Variants in KRABD2 observed in about 807,000 individuals in gnomAD.
KRABD2 encodes KRAB domain containing 2.
At chr17:8,361,482 G>A in the KRABD2 span, among the ~76,000 whole-genome samples, 3 of 152,330 alleles carry the variant, frequency 2.0e-5, no homozygotes, top group African/African-American at 7.2e-5. Flanking sequence ...CATGTGCCTA[G>A]ACCTGATGCC....
chr17:8,367,924 G>A, the KRABD2 span, among the ~76,000 whole-genome samples: 6 of 90,980 alleles, frequency 6.6e-5, no homozygotes, highest in Admixed American at 8.2e-4. Flanking sequence ...ACCCAAGAAT[G>A]ATCAATTAAA....
chr17:8,371,353 T>C, the KRABD2 span: 1 of 1,614,192 alleles, frequency 6.2e-7, no homozygotes, highest in East Asian at 2.2e-5. Flanking sequence ...TGTGTCTCTG[T>C]AGCAATCCTT....
the KRABD2 span, among the ~76,000 whole-genome samples, chr17:8,362,758 G>A: frequency 1.6e-4 from 25 of 152,204 alleles, no homozygotes; most frequent in Non-Finnish European, 3.2e-4. This position sits in a 1 kb window ranked among gnomAD's most constrained non-coding sequence, Gnocchi z 4.2. Flanking sequence ...GCTCAGCCAG[G>A]GCCGAGGGCC....
chr17:8,373,317 C>T, the KRABD2 span, among the ~76,000 whole-genome samples: 3 of 152,364 alleles, frequency 2.0e-5, no homozygotes, highest in South Asian at 4.1e-4. Context: ...TGGGATTGCC[C>T]ACAGGCGCCG....
the KRABD2 span, among the ~76,000 whole-genome samples, chr17:8,360,141 G>T: frequency 6.6e-6 from 1 of 152,100 alleles, no homozygotes; most frequent in East Asian, 1.9e-4. Flanking sequence ...TCTGAGCAAG[G>T]AGCTAGTCAA....
At chr17:8,363,811 CATACATAT>C in the KRABD2 span, among the ~76,000 whole-genome samples, 1 of 104,928 alleles carries the variant, frequency 9.5e-6, no homozygotes, top group African/African-American at 4.7e-5. Flanking sequence ...ATATATATAT[CATACATAT>C]ATATATCATA....
At chr17:8,372,022 G>A in the KRABD2 span, 1 of 985,446 alleles carries the variant, frequency 1.0e-6, no homozygotes, top group African/African-American at 1.7e-5. The surrounding 1 kb of genome is among the most constrained non-coding windows in gnomAD (Gnocchi z 4.1). Context: ...AGCAAGCTTA[G>A]GAAAACAGGA....
the KRABD2 span, chr17:8,371,536 C>T: frequency 6.3e-7 from 1 of 1,599,542 alleles, no homozygotes; most frequent in Admixed American, 1.7e-5. Flanking sequence ...TGAAGGCATG[C>T]AGCATAAAGG....
At chr17:8,370,143 C>A in the KRABD2 span, 1 of 1,613,942 alleles carries the variant, frequency 6.2e-7, no homozygotes. Flanking sequence ...TGCTGCACGG[C>A]GATAATCACG....
the KRABD2 span, chr17:8,369,978 A>T: frequency 1.2e-5 from 20 of 1,614,106 alleles, no homozygotes; most frequent in Non-Finnish European, 1.1e-5. Flanking sequence ...CTCCTTGAGC[A>T]TGCGTGTCCG....
At chr17:8,363,276 C>A in the KRABD2 span, among the ~76,000 whole-genome samples, 1 of 152,278 alleles carries the variant, frequency 6.6e-6, no homozygotes, top group Admixed American at 6.5e-5. Context: ...GTGAGTCTTA[C>A]ACAGAAAAGT....
At chr17:8,367,732 C>G in the KRABD2 span, among the ~76,000 whole-genome samples, 35,886 of 150,714 alleles carry the variant, frequency 0.24, 4,384 homozygotes, top group Non-Finnish European at 0.27. Context: ...TGCGGCCTTC[C>G]GCAGTGTTTG....
At chr17:8,376,352 G>A in the KRABD2 span, 11 of 1,204,592 alleles carry the variant, frequency 9.1e-6, no homozygotes, top group Non-Finnish European at 1.1e-5. Context: ...ACAACCCGGG[G>A]AGATGACCAG....
At chr17:8,376,025 C>T in the KRABD2 span, 7 of 1,231,730 alleles carry the variant, frequency 5.7e-6, 1 homozygote, top group South Asian at 2.9e-4. Context: ...GCCATCTCTC[C>T]TTCATCTCAA....
chr17:8,370,516 G>A, the KRABD2 span: 1 of 661,480 alleles, frequency 1.5e-6, no homozygotes, highest in African/African-American at 1.8e-5. Context: ...AATGATAATA[G>A]AATAATAGTT....
chr17:8,359,782 T>C, the KRABD2 span: 2 of 456,050 alleles, frequency 4.4e-6, no homozygotes, highest in South Asian at 3.1e-5. Context: ...AGCTGTGTTA[T>C]TACAGGTGGC....
the KRABD2 span, among the ~76,000 whole-genome samples, chr17:8,373,185 T>TC: frequency 6.8e-6 from 1 of 147,976 alleles, no homozygotes; most frequent in Non-Finnish European, 1.5e-5. Flanking sequence ...CTCCACGGTC[T>TC]CCCTCTCCCT....
At chr17:8,359,686 TGAA>T in the KRABD2 span, 1 of 456,004 alleles carries the variant, frequency 2.2e-6, no homozygotes, top group Non-Finnish European at 4.4e-6. Flanking sequence ...CACCTACAGA[TGAA>T]GAAGGGTGGC....
the KRABD2 span, among the ~76,000 whole-genome samples, chr17:8,365,061 G>T: frequency 1.3e-5 from 2 of 151,970 alleles, no homozygotes; most frequent in African/African-American, 2.4e-5. Context: ...AAAACATTAT[G>T]TGGACAAAAT....
Sources: allele counts gnomAD v4.1 joint callset (sites outside exome capture counted in the v4.1 genomes callset), GRCh38; gene constraint gnomAD v4.1.1; non-coding constraint Gnocchi (gnomAD v3.1); transcripts MANE v1.5; gene names NCBI Gene and HGNC (gene_info 2026-07-23, HGNC 2026-07-21).